Variants in USH2A observed in about 807,000 individuals in gnomAD.
USH2A encodes the protein usherin, also known as Usher syndrome 2A (autosomal recessive, mild).
USH2A carries 443 observed loss-of-function variants against 538.9 expected under a neutral mutation model. That is an observed-to-expected ratio of 0.82 (90% CI 0.76 to 0.89). The LOEUF is 0.89. Ranked by LOEUF, USH2A falls within the 40% of genes least tolerant of loss-of-function variation. The probability of loss-of-function intolerance (pLI) is 0.00; values close to 1 mark genes in which losing one functional copy is unlikely to be tolerated. For synonymous variants in USH2A, 2,413 were observed against 2,273.5 expected, an observed-to-expected ratio of 1.06 and a Z score of -1.75; for missense variants, 6,633 against 6,324.8, an observed-to-expected ratio of 1.05 and a Z score of -1.65.
At chr1:216,139,052 T>A (rs2033546081) in intron 21 of USH2A, among the ~76,000 whole-genome samples, 1 of 152,078 alleles carries the variant, frequency 6.6e-6, no homozygotes, top group African/African-American at 2.4e-5. Context: ...AGTGACACCA[T>A]TCCTGTTTTT....
intron 21 of USH2A, among the ~76,000 whole-genome samples, chr1:216,145,050 A>G (rs113738099): frequency 0.011 from 1,671 of 152,112 alleles, 17 homozygotes; most frequent in African/African-American, 0.025. Flanking sequence ...CCTGTTTCTC[A>G]CCTCTCTGCT....
intron 47 of USH2A, among the ~76,000 whole-genome samples, chr1:215,834,996 GTTAT>G (rs748364905): frequency 2.0e-5 from 3 of 151,062 alleles, no homozygotes; most frequent in Non-Finnish European, 3.0e-5. Context: ...CTCCTCGTTG[GTTAT>G]TTATTTATTT....
rs578222911 is a variant in USH2A, at chr1:215,942,231, C to T, written c.7121-7436G>A. Among the ~76,000 whole-genome samples the T allele has an allele frequency of 7.4e-4, 113 of 152,258 alleles. 1 individual carries two copies. The highest frequency in any genetic ancestry group is 2.5e-3 in the South Asian group (12 of 4,828). On this transcript the variant is annotated intron_variant, in intron 37 of 71. Coordinates refer to ENST00000307340, the MANE Select transcript of USH2A (RefSeq NM_206933.4). ...TACCAGTTTTGTGTTGCCTGGCGTTCACCCTCATTTCTTCCCATATGGGCC... is the reference window on the plus strand; with the variant it reads ...TACCAGTTTTGTGTTGCCTGGCGTTTACCCTCATTTCTTCCCATATGGGCC...
At position 216,327,649 on chromosome 1, in the gene USH2A, C is replaced by T; in HGVS notation, c.790G>A (p.Glu264Lys). ...TCTTGCATTCTTCCGACAAACTGCT[C>T]TAAACCTGCAAATACACACATGTGC... is the stretch of plus-strand genomic sequence containing the variant. ...VQIGQSLNGL[E>K]QFVGRMQDFR... The change falls in exon 5 of 72, where the codon GAG (glutamate) becomes AAG (lysine). Residue 264 changes from glutamate to lysine, a missense_variant. Transcript: ENST00000307340. 1.2e-6 allele frequency: 2 copies of T among 1,613,098 alleles called. No homozygotes were observed. The highest frequency in any genetic ancestry group is 1.7e-6 in the Non-Finnish European group (2 of 1,179,430).
chr1:216,222,543 C>T (rs2035476641), intron 14 of USH2A, among the ~76,000 whole-genome samples: 1 of 152,086 alleles, frequency 6.6e-6, no homozygotes, highest in Admixed American at 6.6e-5. Flanking sequence ...CCTGGATTAT[C>T]CAAGAATGCC....
rs946602718 is a variant in USH2A, at chr1:215,758,005, C to T, written c.11389+590G>A. On this transcript the variant is annotated intron_variant, in intron 58 of 71. Coordinates refer to ENST00000307340, the MANE Select transcript of USH2A (RefSeq NM_206933.4). ...GCATTGGATATATAGAAGAGTAAGC[C>T]GGGCGTGGTGGCTCATGCCTGTAAT... Among the ~76,000 whole-genome samples the T allele has an allele frequency of 3.3e-5, 5 of 152,208 alleles. No individual in the cohort carries two copies. In the East Asian group the frequency reaches 9.7e-4, roughly 29 times the overall value.
intron 55 of USH2A, among the ~76,000 whole-genome samples, chr1:215,771,204 C>A (rs1050885606): frequency 2.6e-5 from 4 of 151,608 alleles, no homozygotes; most frequent in Non-Finnish European, 5.9e-5. Flanking sequence ...GAAATGTGGC[C>A]CAGAGCAACT....
At chr1:216,383,786 C>A (rs1433314892) in intron 3 of USH2A, among the ~76,000 whole-genome samples, 2 of 152,068 alleles carry the variant, frequency 1.3e-5, no homozygotes, top group African/African-American at 4.8e-5. Context: ...AAGATCTTCC[C>A]ATCTTAGCCT....
chr1:215,856,733 G>T (rs1664177955), intron 44 of USH2A, among the ~76,000 whole-genome samples: 2 of 151,926 alleles, frequency 1.3e-5, no homozygotes, highest in South Asian at 4.1e-4. Context: ...TATATGAAAA[G>T]ATACTTACAC....
intron 64 of USH2A, among the ~76,000 whole-genome samples, chr1:215,667,035 G>A (rs1247485180): frequency 6.6e-6 from 1 of 152,104 alleles, no homozygotes; most frequent in African/African-American, 2.4e-5. Context: ...AGGTTGCAGT[G>A]AGCCAAGATT....
chr1:216,021,668 G>A (rs760511596), intron 32 of USH2A, among the ~76,000 whole-genome samples: 1 of 152,170 alleles, frequency 6.6e-6, no homozygotes, highest in Non-Finnish European at 1.5e-5. Context: ...CCACAGTCAT[G>A]TGAGCCAATT....
intron 32 of USH2A, among the ~76,000 whole-genome samples, chr1:216,041,804 A>G (rs909754331): frequency 2.6e-5 from 4 of 152,090 alleles, no homozygotes; most frequent in African/African-American, 9.7e-5. Flanking sequence ...AAAAGTATTC[A>G]CTATAACTAG....
At chr1:216,138,781 A>G (rs565136425) in intron 21 of USH2A, among the ~76,000 whole-genome samples, 1 of 152,190 alleles carries the variant, frequency 6.6e-6, no homozygotes, top group African/African-American at 2.4e-5. Context: ...TCCCAGAAAG[A>G]TTTCAGGAAG....
At position 216,092,463 on chromosome 1, in the gene USH2A, T is replaced by C. The variant is rs374999519; in HGVS notation, c.4759-3324A>G. On this transcript the variant is annotated intron_variant, in intron 22 of 71. Coordinates refer to ENST00000307340, the MANE Select transcript of USH2A (RefSeq NM_206933.4). The stretch of plus-strand genomic sequence containing the variant: ...ATAAATGTAATGCCAATAGAAGGCA[T>C]ATGAAATAAACTTCTATACTTTTTA... 9.2e-5 allele frequency among the ~76,000 whole-genome samples: 14 copies of C among 152,320 alleles called. 1 individual carries two copies. The highest frequency in any genetic ancestry group is 4.1e-4 in the South Asian group (2 of 4,824).
chr1:215,723,856 C>T (rs1004216912), intron 61 of USH2A, among the ~76,000 whole-genome samples: 2 of 152,092 alleles, frequency 1.3e-5, no homozygotes, highest in South Asian at 4.1e-4. Context: ...AGAGATTTCT[C>T]AATATACAAC....
intron 60 of USH2A, 111 bp downstream of exon 60, chr1:215,741,264 C>CATA: frequency 7.8e-7 from 1 of 1,285,622 alleles, no homozygotes; most frequent in Non-Finnish European, 1.1e-6. Flanking sequence ...AAAAACACAA[C>CATA]ATGAATTCCC....
At chr1:216,014,820 G>T (rs1668667890) in intron 32 of USH2A, among the ~76,000 whole-genome samples, 1 of 152,188 alleles carries the variant, frequency 6.6e-6, no homozygotes, top group Admixed American at 6.5e-5. Flanking sequence ...TACTGGCCAT[G>T]AATTATGTGC....
At chr1:216,373,231 C>T (rs1161952074) in intron 3 of USH2A, among the ~76,000 whole-genome samples, 5 of 151,852 alleles carry the variant, frequency 3.3e-5, no homozygotes, top group East Asian at 3.9e-4. Flanking sequence ...ATAGAAATGG[C>T]GTATAAAATA....
At chr1:215,921,895 C>A (rs1317515543) in intron 38 of USH2A, among the ~76,000 whole-genome samples, 1 of 151,998 alleles carries the variant, frequency 6.6e-6, no homozygotes, top group Admixed American at 6.6e-5. Context: ...TAAATGCTAT[C>A]TTGGTATGAG....
Sources: gnomAD v4.1 joint callset for allele counts (sites outside exome capture counted in the v4.1 genomes callset) on GRCh38, gnomAD v4.1.1 for gene constraint, MANE v1.5 for transcripts, NCBI Gene and HGNC (gene_info 2026-07-23, HGNC 2026-07-21) for gene names.